CNTN6: variants seen among roughly 807,000 people sequenced by gnomAD.
The protein encoded by CNTN6 is contactin-6.
In CNTN6, 137 loss-of-function variants were observed where a neutral mutation model predicts 122.8. The ratio of observed to expected loss-of-function variants is 1.12; its 90% CI spans 0.97 to 1.29. The LOEUF is 1.29. CNTN6 is among the 50% of genes most tolerant of loss of function. The pLI, the probability that CNTN6 is intolerant of heterozygous loss-of-function variation, is 0.00. For synonymous variants in CNTN6, 570 were observed against 426.0 expected, an observed-to-expected ratio of 1.34 and a Z score of -4.16; for missense variants, 1,634 against 1,223.4, an observed-to-expected ratio of 1.34 and a Z score of -5.01.
chr3:1,266,228 C>T (rs973396805), intron 4 of CNTN6, among the ~76,000 whole-genome samples: 1 of 152,110 alleles, frequency 6.6e-6, no homozygotes, highest in African/African-American at 2.4e-5. Context: ...ATAATGCATG[C>T]AAGGGTCCTT....
intron 7 of CNTN6, among the ~76,000 whole-genome samples, chr3:1,300,525 GATAA>G (rs1338562050): frequency 1.6e-5 from 2 of 126,854 alleles, no homozygotes; most frequent in African/African-American, 3.6e-5. Context: ...AAGAAAGAAA[GATAA>G]AGAAAGAGAG....
At chr3:1,144,719 T>C (rs942431880) in intron 1 of CNTN6, among the ~76,000 whole-genome samples, 1 of 142,020 alleles carries the variant, frequency 7.0e-6, no homozygotes, top group Admixed American at 7.4e-5. Flanking sequence ...TCAGGTAAGA[T>C]GTTTCATGAT....
intron 20 of CNTN6, among the ~76,000 whole-genome samples, chr3:1,392,500 G>C (rs11128656): frequency 0.49 from 71,680 of 146,210 alleles, 17,410 homozygotes; most frequent in East Asian, 0.68. Context: ...GCATGGGCAA[G>C]GACTTCATGT....
intron 5 of CNTN6, among the ~76,000 whole-genome samples, chr3:1,288,227 C>T (rs1449666943): frequency 6.6e-6 from 1 of 152,166 alleles, no homozygotes; most frequent in African/African-American, 2.4e-5. Flanking sequence ...ACCACCATCT[C>T]CTTGATTCCA....
chr3:1,245,236 ACAC>A (rs1232930107), intron 4 of CNTN6, among the ~76,000 whole-genome samples: 1,069 of 8,782 alleles, frequency 0.12, 181 homozygotes, highest in Middle Eastern at 0.35. Flanking sequence ...ATATATATAT[ACAC>A]ACACACATAT....
At chr3:1,249,139 A>G (rs974662400) in intron 4 of CNTN6, among the ~76,000 whole-genome samples, 1 of 152,164 alleles carries the variant, frequency 6.6e-6, no homozygotes, top group African/African-American at 2.4e-5. Context: ...GTTAATGTCT[A>G]AAGACAATCA....
chr3:1,161,374 G>C (rs1575073395), intron 2 of CNTN6, among the ~76,000 whole-genome samples: 2 of 150,836 alleles, frequency 1.3e-5, no homozygotes, highest in African/African-American at 2.4e-5. Context: ...AGCTTAGCTA[G>C]AGACATAAAT....
At chr3:1,171,032 C>A (rs2093349775) in intron 2 of CNTN6, among the ~76,000 whole-genome samples, 1 of 152,172 alleles carries the variant, frequency 6.6e-6, no homozygotes, top group African/African-American at 2.4e-5. Context: ...GCTTTAAGAA[C>A]AGTTGAACTA....
At chr3:1,335,917 T>C (rs1265523812) in intron 11 of CNTN6, among the ~76,000 whole-genome samples, 1 of 151,896 alleles carries the variant, frequency 6.6e-6, no homozygotes, top group South Asian at 2.1e-4. Flanking sequence ...ACCCCTGTGG[T>C]GCCAGCTAAT....
intron 4 of CNTN6, among the ~76,000 whole-genome samples, chr3:1,235,570 A>G (rs1320706237): frequency 6.6e-6 from 1 of 152,206 alleles, no homozygotes; most frequent in East Asian, 1.9e-4. Context: ...TAGCAAATAC[A>G]GGAGAGAAGA....
chr3:1,221,953 G>C (rs986023404), intron 3 of CNTN6, among the ~76,000 whole-genome samples: 5 of 152,094 alleles, frequency 3.3e-5, no homozygotes, highest in African/African-American at 1.2e-4. Flanking sequence ...ATACACTCTT[G>C]ATGTGCATAG....
intron 21 of CNTN6, among the ~76,000 whole-genome samples, chr3:1,401,798 C>G (rs1365822818): frequency 1.3e-5 from 2 of 151,960 alleles, no homozygotes; most frequent in South Asian, 2.1e-4. Flanking sequence ...AGTGGCATCC[C>G]TTGCTATCAT....
At chr3:1,155,911 A>C (rs1318802964) in intron 2 of CNTN6, among the ~76,000 whole-genome samples, 1 of 152,210 alleles carries the variant, frequency 6.6e-6, no homozygotes, top group Non-Finnish European at 1.5e-5. Flanking sequence ...AAACTTCATA[A>C]AGCACGGCTG....
chr3:1,099,318 G>GC (rs2090738706), intron 1 of CNTN6, among the ~76,000 whole-genome samples: 1 of 151,412 alleles, frequency 6.6e-6, no homozygotes, highest in African/African-American at 2.4e-5. Context: ...GGGTGTGGTG[G>GC]CGGGCGCCTG....
At chr3:1,217,250 A>T (rs1410162883) in intron 2 of CNTN6, among the ~76,000 whole-genome samples, 1 of 152,152 alleles carries the variant, frequency 6.6e-6, no homozygotes, top group Non-Finnish European at 1.5e-5. Context: ...TCCAGCTTTG[A>T]GGTTCTCTAG....
At chr3:1,313,975 G>C (rs191816876) in intron 7 of CNTN6, among the ~76,000 whole-genome samples, 1 of 152,112 alleles carries the variant, frequency 6.6e-6, no homozygotes, top group Admixed American at 6.6e-5. Context: ...TCATGTCATA[G>C]TCCCACCTCC....
chr3:1,188,681 A>G (rs984796535), intron 2 of CNTN6, among the ~76,000 whole-genome samples: 3 of 152,366 alleles, frequency 2.0e-5, no homozygotes, highest in Admixed American at 2.0e-4. Flanking sequence ...ATTGCCAAGG[A>G]CAAAGATAAA....
At chr3:1,379,702 G>T (rs1273263305) in intron 17 of CNTN6, among the ~76,000 whole-genome samples, 5 of 152,098 alleles carry the variant, frequency 3.3e-5, no homozygotes. Context: ...TGAGGAGGAG[G>T]TGGGGGGTGG....
rs76896075 is a variant in CNTN6 at position 1,296,457 on chromosome 3, G to T, written c.658+653G>T. On this transcript the variant is annotated intron_variant, in intron 6 of 22. Coordinates refer to ENST00000446702, the MANE Select transcript of CNTN6 (RefSeq NM_001289080.2). The stretch of plus-strand genomic sequence containing the variant: ...AGCCAGAAAGTTTAAGGAAGTCATT[G>T]AAGTGGAGAAATTCTCTAGTTGTTT... 2.6e-5 allele frequency among the ~76,000 whole-genome samples: 4 copies of T among 152,254 alleles called. No individual in the cohort carries two copies. The East Asian group carries it at 7.7e-4, about 29-fold the overall frequency.
Sources: allele counts gnomAD v4.1 joint callset (sites outside exome capture counted in the v4.1 genomes callset), GRCh38; gene constraint gnomAD v4.1.1; transcripts MANE v1.5; gene names NCBI Gene and HGNC (gene_info 2026-07-23, HGNC 2026-07-21).